NEGR1: variants seen among roughly 807,000 people sequenced by gnomAD.
NEGR1 encodes the protein neuronal growth regulator 1, also known as IgLON family member 4.
NEGR1 carries 10 observed loss-of-function variants against 40.9 expected under a neutral mutation model. The observed-to-expected ratio is 0.24, with a 90% CI of 0.15 to 0.42. NEGR1 has a LOEUF of 0.42. Among genes scored for constraint, NEGR1 ranks in the 10% least tolerant of loss-of-function variants. The pLI is 1.00. For synonymous variants in NEGR1, 185 were observed against 166.8 expected, an observed-to-expected ratio of 1.11 and a Z score of -0.84; for missense variants, 352 against 438.9, an observed-to-expected ratio of 0.80 and a Z score of 1.77.
intron 6 of NEGR1, among the ~76,000 whole-genome samples, chr1:71,410,948 T>C (rs995039505): frequency 6.6e-6 from 1 of 152,168 alleles, no homozygotes; most frequent in East Asian, 1.9e-4. Flanking sequence ...GAAAATCCCA[T>C]ATGACAAATT....
intron 1 of NEGR1, among the ~76,000 whole-genome samples, chr1:72,025,593 T>C (rs1049685799): frequency 6.4e-4 from 97 of 152,118 alleles, no homozygotes; most frequent in Admixed American, 2.5e-3. Context: ...AGCATCAACA[T>C]AGAAAAAGTT....
intron 1 of NEGR1, among the ~76,000 whole-genome samples, chr1:72,181,536 C>T (rs1214816244): frequency 2.6e-5 from 4 of 152,076 alleles, no homozygotes; most frequent in African/African-American, 7.2e-5. Flanking sequence ...CATAGAACCA[C>T]CATATGATGC....
intron 1 of NEGR1, among the ~76,000 whole-genome samples, chr1:72,217,585 C>T (rs184516520): frequency 1.6e-4 from 25 of 151,782 alleles, no homozygotes; most frequent in African/African-American, 5.1e-4. Context: ...ACAGTTACCA[C>T]AAAATGTGAA....
chr1:71,992,211 A>G (rs992281611), intron 1 of NEGR1, among the ~76,000 whole-genome samples: 3 of 152,178 alleles, frequency 2.0e-5, no homozygotes, highest in African/African-American at 7.2e-5. Context: ...TGTGTATTTC[A>G]TATACATCAT....
intron 2 of NEGR1, among the ~76,000 whole-genome samples, chr1:71,805,311 T>C (rs1158608284): frequency 1.3e-5 from 2 of 152,198 alleles, no homozygotes; most frequent in Non-Finnish European, 2.9e-5. Flanking sequence ...CTCTGTGACC[T>C]ACATCCTATT....
At chr1:71,471,434 T>A (rs945658124) in intron 6 of NEGR1, among the ~76,000 whole-genome samples, 14 of 152,082 alleles carry the variant, frequency 9.2e-5, no homozygotes, top group African/African-American at 3.4e-4. Flanking sequence ...TCACCTGAGG[T>A]TGGGAGTTCA....
intron 1 of NEGR1, among the ~76,000 whole-genome samples, chr1:71,991,360 C>A (rs1646449082): frequency 6.6e-6 from 1 of 152,114 alleles, no homozygotes; most frequent in South Asian, 2.1e-4. Flanking sequence ...ATGACTTACT[C>A]TCTCCCCTTT....
chr1:71,722,513 C>T (rs1357381223), intron 3 of NEGR1, among the ~76,000 whole-genome samples: 1 of 151,976 alleles, frequency 6.6e-6, no homozygotes, highest in Non-Finnish European at 1.5e-5. Context: ...TCATTTCCTA[C>T]AGTCAAAAAT....
intron 2 of NEGR1, among the ~76,000 whole-genome samples, chr1:71,823,962 A>C (rs1281811510): frequency 6.6e-6 from 1 of 152,030 alleles, no homozygotes; most frequent in Non-Finnish European, 1.5e-5. Flanking sequence ...GTCTGACTGA[A>C]GTGCACAGAA....
intron 1 of NEGR1, among the ~76,000 whole-genome samples, chr1:72,088,725 G>A (rs1648324874): frequency 6.8e-6 from 1 of 146,656 alleles, no homozygotes; most frequent in South Asian, 2.2e-4. Flanking sequence ...AGGAGATTTT[G>A]TTTGCTTTAA....
At chr1:72,170,808 T>C (rs1280470747) in intron 1 of NEGR1, among the ~76,000 whole-genome samples, 3 of 152,174 alleles carry the variant, frequency 2.0e-5, no homozygotes, top group African/African-American at 7.2e-5. Context: ...AAATAAAGTC[T>C]TAGATGTGCA....
chr1:71,863,746 G>C (rs758111987), intron 2 of NEGR1, among the ~76,000 whole-genome samples: 1 of 152,100 alleles, frequency 6.6e-6, no homozygotes, highest in Non-Finnish European at 1.5e-5. Flanking sequence ...TTTGGGAATA[G>C]ACAGTACTAG....
chr1:71,666,166 C>T (rs775998940), intron 4 of NEGR1, among the ~76,000 whole-genome samples: 11 of 152,154 alleles, frequency 7.2e-5, no homozygotes, highest in African/African-American at 2.7e-4. Flanking sequence ...CTAAAACTTA[C>T]CATCACTCAA....
At chr1:72,248,426 A>G (rs1654971818) in intron 1 of NEGR1, among the ~76,000 whole-genome samples, 1 of 151,418 alleles carries the variant, frequency 6.6e-6, no homozygotes, top group Non-Finnish European at 1.5e-5. Flanking sequence ...CCTGGCTAAT[A>G]TTTGTATTTT....
intron 6 of NEGR1, among the ~76,000 whole-genome samples, chr1:71,428,230 G>T (rs1646442139): frequency 6.6e-6 from 1 of 152,170 alleles, no homozygotes. Flanking sequence ...GGCAGTGCCA[G>T]CTCTGGGTGC....
At chr1:71,743,797 T>C (rs1476399561) in intron 3 of NEGR1, among the ~76,000 whole-genome samples, 14 of 152,228 alleles carry the variant, frequency 9.2e-5, no homozygotes, top group Admixed American at 7.9e-4. Context: ...GTTTTTCATT[T>C]ACCTAATTGG....
chr1:71,757,589 G>T (rs1396119710), intron 3 of NEGR1, among the ~76,000 whole-genome samples: 1 of 151,978 alleles, frequency 6.6e-6, no homozygotes, highest in Non-Finnish European at 1.5e-5. Flanking sequence ...CTATAGCACA[G>T]AATGAAACCA....
At chr1:72,213,185 A>G (rs1653674383) in intron 1 of NEGR1, among the ~76,000 whole-genome samples, 1 of 151,952 alleles carries the variant, frequency 6.6e-6, no homozygotes, top group East Asian at 1.9e-4. Flanking sequence ...TTTCATATTG[A>G]TATAGGAGCA....
intron 2 of NEGR1, among the ~76,000 whole-genome samples, chr1:71,898,532 G>A (rs1473348416): frequency 1.3e-5 from 2 of 152,030 alleles, no homozygotes; most frequent in African/African-American, 4.8e-5. Flanking sequence ...GGAGAATGGC[G>A]TGAACCCGGG....
Sources: gnomAD v4.1 joint callset for allele counts (sites outside exome capture counted in the v4.1 genomes callset) on GRCh38, gnomAD v4.1.1 for gene constraint, MANE v1.5 for transcripts, NCBI Gene and HGNC (gene_info 2026-07-23, HGNC 2026-07-21) for gene names.